SLC28A1: variants seen among roughly 807,000 people sequenced by gnomAD.
SLC28A1 encodes the protein solute carrier family 28 member 1, also known as sodium/nucleoside cotransporter 1.
Under a neutral mutation model 74.8 loss-of-function variants are expected in SLC28A1, and 64 were observed. The ratio of observed to expected loss-of-function variants is 0.86; its 90% CI spans 0.70 to 1.05. The LOEUF (loss-of-function observed/expected upper bound fraction) is 1.05. Among genes scored for constraint, SLC28A1 ranks in the 50% least tolerant of loss-of-function variants. The pLI is 0.00. For synonymous variants in SLC28A1, 359 were observed against 335.0 expected, an observed-to-expected ratio of 1.07 and a Z score of -0.78; for missense variants, 828 against 822.8, an observed-to-expected ratio of 1.01 and a Z score of -0.08.
Position 84,924,094 on chromosome 15 carries a change from C to T in SLC28A1, c.1067C>T (p.Ala356Val), listed in dbSNP as rs200518039. The stretch of plus-strand genomic sequence containing the variant: ...ACCATTGCTGGCAGCCTGCTGGGTG[C>T]CTACATCTCCTTTGGGGTAGGTAGA... ...YATIAGSLLG[A>V]YISFGIDATS... Residue 356 changes from alanine to valine, a missense_variant, in exon 12 of 19, where the codon GCC (alanine) becomes GTC (valine). Around this residue, in one of 3 missense-constraint regions of SLC28A1, gnomAD observed 767 missense variants for 753.5 expected, o/e 1.02. Coordinates refer to ENST00000394573, the MANE Select transcript of SLC28A1 (RefSeq NM_004213.5). 4.9e-5 allele frequency: 79 copies of T among 1,613,442 alleles called. 1 individual carries two copies. In the Admixed American group the frequency reaches 1.3e-3, roughly 26 times the overall value.
At chr15:84,933,341 T>C (rs1971528662) in intron 13 of SLC28A1, 66 bp downstream of exon 13, 1 of 1,563,390 alleles carries the variant, frequency 6.4e-7, no homozygotes, top group Admixed American at 1.8e-5. Context: ...AAGCAGAGGG[T>C]CCCGTTCTCT....
intron 6 of SLC28A1, among the ~76,000 whole-genome samples, chr15:84,902,180 T>G (rs1966747335): frequency 6.6e-6 from 1 of 152,116 alleles, no homozygotes; most frequent in Non-Finnish European, 1.5e-5. Context: ...TATATAAAAT[T>G]CTTAAAAATG....
At chr15:84,898,506 G>T (rs1334719586) in intron 6 of SLC28A1, among the ~76,000 whole-genome samples, 1 of 151,664 alleles carries the variant, frequency 6.6e-6, no homozygotes, top group Non-Finnish European at 1.5e-5. Flanking sequence ...GTGAACCCAG[G>T]AGGCAGAGCT....
At chr15:84,975,322 T>C in the SLC28A1 span, among the ~76,000 whole-genome samples, 32 of 152,370 alleles carry the variant, frequency 2.1e-4, no homozygotes, top group African/African-American at 7.2e-4. Flanking sequence ...CATAAAGTCA[T>C]GTCACCTGCA....
the SLC28A1 span, among the ~76,000 whole-genome samples, chr15:84,953,793 G>A: frequency 6.6e-6 from 1 of 152,218 alleles, no homozygotes; most frequent in Admixed American, 6.5e-5. Context: ...TACCTCATTT[G>A]TAAAAAATGT....
chr15:84,933,320 T>A (rs1596340010), intron 13 of SLC28A1, 45 bp downstream of exon 13: 1 of 1,603,292 alleles, frequency 6.2e-7, no homozygotes, highest in Non-Finnish European at 8.5e-7. Flanking sequence ...TGGTACAAGG[T>A]GGGGGGAGCA....
At chr15:84,952,157 C>G in the SLC28A1 span, among the ~76,000 whole-genome samples, 2 of 152,152 alleles carry the variant, frequency 1.3e-5, no homozygotes, top group East Asian at 1.9e-4. Context: ...TCTCAGGTCC[C>G]CATCCTGCTC....
At position 84,909,969 on chromosome 15, in the gene SLC28A1, C is replaced by T. The variant is rs191406156; in HGVS notation, c.795+1174C>T. 2.2e-3 allele frequency among the ~76,000 whole-genome samples: 333 copies of T among 152,370 alleles called. 3 individuals are homozygous for T. The highest frequency in any genetic ancestry group is 7.2e-3 in the African/African-American group (301 of 41,588). Reference sequence around the variant, plus strand: ...CTTTTGGCCCAAGCCATGGACTTAGCTATGGACTTCTGGGCTGGCGTTGAG... The same window carrying T: ...CTTTTGGCCCAAGCCATGGACTTAGTTATGGACTTCTGGGCTGGCGTTGAG... On this transcript the variant is annotated intron_variant, in intron 9 of 18. Transcript: ENST00000394573.
intron 15 of SLC28A1, among the ~76,000 whole-genome samples, chr15:84,942,515 T>A (rs1183914450): frequency 6.6e-6 from 1 of 152,230 alleles, no homozygotes; most frequent in East Asian, 1.9e-4. Context: ...TTTGAACACT[T>A]ACTGTCTGCC....
intron 9 of SLC28A1, among the ~76,000 whole-genome samples, chr15:84,912,464 G>A (rs1227776271): frequency 6.6e-6 from 1 of 152,086 alleles, no homozygotes; most frequent in African/African-American, 2.4e-5. Flanking sequence ...CCCTCAGCTT[G>A]CCCTGGACCT....
chr15:84,944,720 G>A (rs17215864), intron 17 of SLC28A1, 36 bp from the exon 18 acceptor site: 31 of 1,447,934 alleles, frequency 2.1e-5, no homozygotes, highest in Admixed American at 4.5e-5. Flanking sequence ...TGGCTAGCCC[G>A]GGGGCCCTGC....
chr15:84,966,234 T>A, the SLC28A1 span, among the ~76,000 whole-genome samples: 1 of 152,114 alleles, frequency 6.6e-6, no homozygotes, highest in Non-Finnish European at 1.5e-5. Flanking sequence ...CCCACCACCA[T>A]GCCCAGCTAA....
chr15:84,894,264 C>T (rs1360256327), intron 5 of SLC28A1, among the ~76,000 whole-genome samples: 1 of 151,068 alleles, frequency 6.6e-6, no homozygotes, highest in African/African-American at 2.4e-5. Context: ...CCCAGCTACT[C>T]GGGAGGCTGA....
At chr15:84,925,996 G>C (rs2343675) in intron 12 of SLC28A1, among the ~76,000 whole-genome samples, 1 of 150,250 alleles carries the variant, frequency 6.7e-6, no homozygotes, top group East Asian at 1.9e-4. Context: ...TTTTGGTGAA[G>C]GCCTATCAGT....
chr15:84,911,567 A>G (rs1354855155), intron 9 of SLC28A1, among the ~76,000 whole-genome samples: 11 of 152,190 alleles, frequency 7.2e-5, no homozygotes, highest in Non-Finnish European at 4.4e-5. Flanking sequence ...ATCATTTAAA[A>G]ATGTATCCAT....
Position 84,920,808 on chromosome 15 carries a change from G to A in SLC28A1, c.877-181G>A, listed in dbSNP as rs180834662. On this transcript the variant is annotated intron_variant, in intron 10 of 18. Transcript: ENST00000394573. Reference sequence around the variant, plus strand: ...AATGAATGGCCTTGGGAAGGGGTAAGCCCCCATCAATGAAGGTGTGGAAGA... The same window carrying A: ...AATGAATGGCCTTGGGAAGGGGTAAACCCCCATCAATGAAGGTGTGGAAGA... Among the ~76,000 whole-genome samples, 16 of 152,182 alleles carry A rather than the reference G, an allele frequency of 1.1e-4. 1 individual carries two copies. In the East Asian group the frequency reaches 2.7e-3, roughly 26 times the overall value.
At chr15:84,930,985 C>T (rs6496528) in intron 12 of SLC28A1, among the ~76,000 whole-genome samples, 133,747 of 151,940 alleles carry the variant, frequency 0.88, 59,115 homozygotes, top group East Asian at 0.95. Context: ...GTTGGCCAGA[C>T]TGGTCTCGAA....
chr15:84,953,154 G>A, the SLC28A1 span, among the ~76,000 whole-genome samples: 24 of 152,314 alleles, frequency 1.6e-4, no homozygotes, highest in South Asian at 4.8e-3. Flanking sequence ...TGGATCTGGG[G>A]CATGTCATTA....
At chr15:84,956,579 A>G in the SLC28A1 span, among the ~76,000 whole-genome samples, 1 of 150,664 alleles carries the variant, frequency 6.6e-6, no homozygotes, top group Non-Finnish European at 1.5e-5. Flanking sequence ...TGCAGCCTCA[A>G]CCTCCCAGGC....
Sources: gnomAD v4.1 joint callset for allele counts (sites outside exome capture counted in the v4.1 genomes callset) on GRCh38, gnomAD v4.1.1 for gene constraint, gnomAD v4.1.1 regional missense constraint, MANE v1.5 for transcripts, NCBI Gene and HGNC (gene_info 2026-07-23, HGNC 2026-07-21) for gene names.